NALF1: variants seen among roughly 807,000 people sequenced by gnomAD.
The protein encoded by NALF1 is family with sequence similarity 155 member A.
A neutral mutation model predicts 48.4 loss-of-function variants in NALF1; 3 were observed. The observed-to-expected ratio is 0.06, with a 90% CI of 0.03 to 0.16. NALF1 has a LOEUF of 0.16. Ranked by LOEUF, NALF1 falls within the 10% of genes least tolerant of loss-of-function variation. NALF1 has a pLI of 1.00. For synonymous variants in NALF1, 262 were observed against 245.7 expected, an observed-to-expected ratio of 1.07 and a Z score of -0.62; for missense variants, 526 against 571.5, an observed-to-expected ratio of 0.92 and a Z score of 0.81.
chr13:107,304,558 A>C lies in NALF1; in HGVS notation c.916-93803T>G, dbSNP rs190136509. 2.7e-3 allele frequency among the ~76,000 whole-genome samples: 409 copies of C among 152,348 alleles called. 2 individuals are homozygous for C. The highest frequency in any genetic ancestry group is 9.5e-3 in the African/African-American group (397 of 41,600). On this transcript the variant is annotated intron_variant, in intron 1 of 2. Coordinates refer to ENST00000375915, the MANE Select transcript of NALF1 (RefSeq NM_001080396.3). ...CAGCTTGAGAGGTTTAATGACATCC[A>C]CCATAAATGTTTAAAATGTGGATCC...
At chr13:107,558,234 T>A (rs1877539133) in intron 1 of NALF1, among the ~76,000 whole-genome samples, 1 of 152,216 alleles carries the variant, frequency 6.6e-6, no homozygotes, top group Non-Finnish European at 1.5e-5. Context: ...TGAGTCTCTT[T>A]TTTTTTAGTG....
intron 1 of NALF1, among the ~76,000 whole-genome samples, chr13:107,805,146 T>C (rs1878737432): frequency 6.6e-6 from 1 of 152,220 alleles, no homozygotes; most frequent in South Asian, 2.1e-4. Flanking sequence ...TACAGAAGTG[T>C]AATTATCCTA....
intron 1 of NALF1, among the ~76,000 whole-genome samples, chr13:107,618,220 C>A (rs1430288133): frequency 1.3e-5 from 2 of 151,968 alleles, no homozygotes; most frequent in East Asian, 3.9e-4. Context: ...AAGAAACAAG[C>A]TATTCACAGT....
intron 1 of NALF1, among the ~76,000 whole-genome samples, chr13:107,495,941 G>T (rs1036472206): frequency 6.6e-6 from 1 of 152,046 alleles, no homozygotes; most frequent in Non-Finnish European, 1.5e-5. Flanking sequence ...ACTTGAGAGG[G>T]ATGAACTGTC....
At chr13:107,200,383 A>G (rs1879487066) in intron 2 of NALF1, among the ~76,000 whole-genome samples, 2 of 152,068 alleles carry the variant, frequency 1.3e-5, no homozygotes, top group Admixed American at 6.5e-5. Context: ...GGCGGTGGGA[A>G]ACAGGTCAAA....
At chr13:107,805,559 C>T (rs1480820341) in intron 1 of NALF1, among the ~76,000 whole-genome samples, 1 of 152,080 alleles carries the variant, frequency 6.6e-6, no homozygotes, top group Non-Finnish European at 1.5e-5. Flanking sequence ...TAATCCACTG[C>T]AGAGTTTATC....
rs538508621 is a variant in NALF1 at position 107,491,301 on chromosome 13, G to C, written c.916-280546C>G. 8.5e-5 allele frequency among the ~76,000 whole-genome samples: 13 copies of C among 152,348 alleles called. No homozygotes were observed. In the South Asian group the frequency reaches 2.3e-3, roughly 27 times the overall value. On this transcript the variant is annotated intron_variant, in intron 1 of 2. Transcript: ENST00000375915. ...ACTTTGTCAGTTACAAGATGTGACA[G>C]ACATTGCAAGAAATTCCTCCAGGTG...
chr13:107,582,571 G>A (rs1446639857), intron 1 of NALF1, among the ~76,000 whole-genome samples: 1 of 152,130 alleles, frequency 6.6e-6, no homozygotes, highest in Non-Finnish European at 1.5e-5. Context: ...AGGCATGACT[G>A]GCTATGGGGT....
chr13:107,554,875 T>C (rs1286737016), intron 1 of NALF1, among the ~76,000 whole-genome samples: 3 of 152,022 alleles, frequency 2.0e-5, no homozygotes, highest in Non-Finnish European at 4.4e-5. Context: ...GCTTGCAGGG[T>C]ATAACTCCAG....
intron 1 of NALF1, among the ~76,000 whole-genome samples, chr13:107,522,238 G>C (rs78775605): frequency 2.0e-5 from 3 of 151,926 alleles, no homozygotes; most frequent in African/African-American, 4.8e-5. Context: ...TATTTTTCTC[G>C]TATTTCGTAT....
Position 107,167,867 on chromosome 13 carries a change from A to C in NALF1, c.*2630T>G, listed in dbSNP as rs538479833. The C allele has an allele frequency of 6.6e-6, 1 of 152,354 alleles. No homozygotes were observed. The highest frequency in any genetic ancestry group is 2.1e-4 in the South Asian group (1 of 4,830). 9.4% of individuals were successfully genotyped at this position (152,354 alleles called of 1,614,324 possible). A position where few individuals can be genotyped will look rare whatever the true frequency, so the allele number is the denominator to read the frequency against. On this transcript the variant is annotated 3_prime_UTR_variant, in exon 3 of 3. Transcript: ENST00000375915. ...CCAAACAAACGCTAAAACACGGGTA[A>C]GTGGAACCTTCTGATCCTCTTGTCT... is the stretch of plus-strand genomic sequence containing the variant.
chr13:107,530,822 T>C (rs1173575026), intron 1 of NALF1, among the ~76,000 whole-genome samples: 1 of 152,132 alleles, frequency 6.6e-6, no homozygotes, highest in African/African-American at 2.4e-5. Context: ...ATCTAAGTTA[T>C]ATATGAACTA....
At chr13:107,495,776 T>C (rs959764473) in intron 1 of NALF1, among the ~76,000 whole-genome samples, 1 of 152,182 alleles carries the variant, frequency 6.6e-6, no homozygotes, top group Non-Finnish European at 1.5e-5. Context: ...TGATCTGCCA[T>C]AAGATCATAC....
chr13:107,205,367 T>TA lies in NALF1; in HGVS notation c.1087+5216dup, dbSNP rs776468032. The stretch of plus-strand genomic sequence containing the variant: ...AGTAAACCGTGAGATGCCAAACATT[T>TA]AAAAAAAAAATCCTTCGAATGTGAT... On this transcript the variant is annotated intron_variant, in intron 2 of 2. Coordinates refer to ENST00000375915, the MANE Select transcript of NALF1 (RefSeq NM_001080396.3). Among the ~76,000 whole-genome samples, 720 of 150,554 alleles carry TA rather than the reference T, an allele frequency of 4.8e-3. 3 individuals are homozygous for TA. Among genetic ancestry groups the TA allele is most frequent in the African/African-American group, 0.015 (610 of 41,112 alleles).
At position 107,700,327 on chromosome 13, in the gene NALF1, CAG is replaced by C. The variant is rs576535211; in HGVS notation, c.915+165353_915+165354del. 2.6e-4 allele frequency among the ~76,000 whole-genome samples: 40 copies of C among 151,990 alleles called. No homozygotes were observed. In the South Asian group the frequency reaches 4.2e-3, roughly 16 times the overall value. On this transcript the variant is annotated intron_variant, in intron 1 of 2. Coordinates refer to ENST00000375915, the MANE Select transcript of NALF1 (RefSeq NM_001080396.3). ...AGAAACAAAAACCAATGGAACAGAA[CAG>C]AGAGTCCAGAAATAAACCCAAACAT...
chr13:107,521,193 CA>C lies in NALF1; in HGVS notation c.916-310439del, dbSNP rs75854023. Among the ~76,000 whole-genome samples the C allele has an allele frequency of 7.1e-3, 1,075 of 152,170 alleles. 44 individuals are homozygous for C. The East Asian group carries it at 0.1, about 15-fold the overall frequency. On this transcript the variant is annotated intron_variant, in intron 1 of 2. Transcript: ENST00000375915. ...ATATAAAGAAATGCATCCATGAGGACAAAATATGTGCCATTTCAATTAATCA... is the reference window on the plus strand; with the variant it reads ...ATATAAAGAAATGCATCCATGAGGACAAATATGTGCCATTTCAATTAATCA...
At chr13:107,253,173 CTT>C (rs3072801) in intron 1 of NALF1, among the ~76,000 whole-genome samples, 69,965 of 146,390 alleles carry the variant, frequency 0.48, 19,392 homozygotes, top group South Asian at 0.69. Context: ...GGACTTCTTT[CTT>C]TTTTTTTTTT....
rs139522033 is a variant in NALF1, at chr13:107,680,236, A to C, written c.915+185446T>G. Among the ~76,000 whole-genome samples, 561 of 152,278 alleles carry C rather than the reference A, an allele frequency of 3.7e-3. 4 individuals carry two copies. Among genetic ancestry groups the C allele is most frequent in the Middle Eastern group, 0.02 (6 of 294 alleles). On this transcript the variant is annotated intron_variant, in intron 1 of 2. Coordinates refer to ENST00000375915, the MANE Select transcript of NALF1 (RefSeq NM_001080396.3). ...GATTTGCCATTTGACTTCCACAGAG[A>C]GGAACTGTTCTCTCTGTACAGATGC...
At chr13:107,202,692 T>C (rs1879546013) in intron 2 of NALF1, among the ~76,000 whole-genome samples, 1 of 152,204 alleles carries the variant, frequency 6.6e-6, no homozygotes, top group Non-Finnish European at 1.5e-5. Flanking sequence ...TGACGTGTGA[T>C]GTTGAGAAAT....
Sources: allele counts gnomAD v4.1 joint callset (sites outside exome capture counted in the v4.1 genomes callset), GRCh38; gene constraint gnomAD v4.1.1; transcripts MANE v1.5; gene names NCBI Gene and HGNC (gene_info 2026-07-23, HGNC 2026-07-21).